The following CLVS1 variants were observed in gnomAD, a reference collection of about 807,000 sequenced individuals.
CLVS1 encodes the protein clavesin 1.
Under a neutral mutation model 33.1 loss-of-function variants are expected in CLVS1, and 10 were observed. The ratio of observed to expected loss-of-function variants is 0.30; its 90% CI spans 0.19 to 0.51. The LOEUF is 0.51. Among genes scored for constraint, CLVS1 ranks in the 20% least tolerant of loss-of-function variants. The pLI, the probability that CLVS1 is intolerant of heterozygous loss-of-function variation, is 0.97. For synonymous variants in CLVS1, 163 were observed against 166.1 expected (o/e 0.98, Z 0.14); for missense variants, 343 against 433.4 (o/e 0.79, Z 1.85).
chr8:61,117,848 C>G (rs1196607845), intron 1 of CLVS1, among the ~76,000 whole-genome samples: 1 of 149,058 alleles, frequency 6.7e-6, no homozygotes, highest in Non-Finnish European at 1.5e-5. Context: ...TTTGTTGTGT[C>G]TCTGCCTGGC....
At position 61,499,808 on chromosome 8, in the gene CLVS1, C is replaced by CAT. The variant is rs1252087777; in HGVS notation, c.*269_*270dup. On this transcript the variant is annotated 3_prime_UTR_variant, in exon 6 of 6. Transcript: ENST00000325897. ...ATGTAAAAAAGATTCTCCCTCCTTT[C>CAT]ATATTTATTGTAGTAAATTGAAAAA... 7.5e-6 allele frequency: 2 copies of CAT among 267,100 alleles called. No individual in the cohort carries two copies. The highest frequency in any genetic ancestry group is 1.4e-5 in the Non-Finnish European group (2 of 140,166). The allele number at this position is 267,100 out of a possible 1,614,324, so 16.5% of individuals were successfully genotyped here. A position where few individuals can be genotyped will look rare whatever the true frequency, so the allele number is the denominator to read the frequency against.
chr8:61,277,523 G>A (rs556845064), intron 2 of CLVS1, among the ~76,000 whole-genome samples: 23 of 152,230 alleles, frequency 1.5e-4, no homozygotes, highest in African/African-American at 5.3e-4. Flanking sequence ...TGAGTATAGG[G>A]GAGGCTCTGT....
At chr8:61,205,205 C>A (rs574522464) in intron 2 of CLVS1, among the ~76,000 whole-genome samples, 2 of 152,022 alleles carry the variant, frequency 1.3e-5, no homozygotes, top group African/African-American at 4.8e-5. Flanking sequence ...GCATTAAGTC[C>A]GTTCCCATTT....
In CLVS1 at chr8:61,170,062, C is replaced by CAT. The variant is rs142007689; in HGVS notation, c.-152+38214_-152+38215dup. ...GTACATTTGTAAATTTTGACATATA[C>CAT]ATATATATATATACACACATATACA... On this transcript the variant is annotated intron_variant, in intron 2 of 2. Coordinates refer to the CLVS1 transcript ENST00000522621. Among the ~76,000 whole-genome samples, 130 of 151,470 alleles carry CAT rather than the reference C, an allele frequency of 8.6e-4. 1 individual carries two copies. In the East Asian group the frequency reaches 9.9e-3, roughly 11 times the overall value.
chr8:61,055,494 T>C (rs1804460701), upstream of CLVS1, among the ~76,000 whole-genome samples: 1 of 152,270 alleles, frequency 6.6e-6, no homozygotes, highest in Non-Finnish European at 1.5e-5. Flanking sequence ...AGGAATATTC[T>C]ACTTCATGAA....
chr8:61,293,772 CA>C (rs1325740125), intron 1 of CLVS1, among the ~76,000 whole-genome samples: 1 of 152,010 alleles, frequency 6.6e-6, no homozygotes, highest in East Asian at 1.9e-4. Context: ...TCACACATAC[CA>C]ATGGATGAGT....
intron 3 of CLVS1, among the ~76,000 whole-genome samples, chr8:61,413,145 G>A (rs568962284): frequency 6.6e-6 from 1 of 152,228 alleles, no homozygotes; most frequent in African/African-American, 2.4e-5. Context: ...ATTTCACTTA[G>A]TACTGAGAGG....
At position 61,255,511 on chromosome 8, in the gene CLVS1, C is replaced by T. The variant is rs73684473; in HGVS notation, c.-151-44166C>T. On this transcript the variant is annotated intron_variant, in intron 2 of 2. Transcript: ENST00000522621. ...ATGTGTGTGTGGAGAGGTGAAGGAGCGAAAATAAACCAGTAAGCAAAGGTA... is the reference window on the plus strand; with the variant it reads ...ATGTGTGTGTGGAGAGGTGAAGGAGTGAAAATAAACCAGTAAGCAAAGGTA... Among the ~76,000 whole-genome samples the T allele has an allele frequency of 7.9e-3, 1,198 of 152,114 alleles. 16 individuals carry two copies. Among genetic ancestry groups the T allele is most frequent in the African/African-American group, 0.025 (1,054 of 41,486 alleles).
intron 1 of CLVS1, among the ~76,000 whole-genome samples, chr8:61,120,490 C>T (rs1488205905): frequency 8.6e-6 from 1 of 115,932 alleles, no homozygotes; most frequent in African/African-American, 3.9e-5. Flanking sequence ...TGTTTTTTCC[C>T]CATCTTTGTG....
At chr8:61,192,325 G>A (rs1240047237) in intron 2 of CLVS1, among the ~76,000 whole-genome samples, 3 of 152,166 alleles carry the variant, frequency 2.0e-5, no homozygotes, top group African/African-American at 7.2e-5. Context: ...CTAGACATAT[G>A]TAGAAAGCTG....
intron 3 of CLVS1, among the ~76,000 whole-genome samples, chr8:61,379,613 A>G (rs1813784346): frequency 6.6e-6 from 1 of 152,088 alleles, no homozygotes; most frequent in South Asian, 2.1e-4. Context: ...TTGATTAGTA[A>G]TTGCTACACG....
rs1809834021 is a variant in CLVS1 at position 61,288,097 on chromosome 8, C to A, written c.-193C>A. 2.2e-6 allele frequency: 1 copy of A among 456,268 alleles called. No homozygotes were observed. 28.3% of individuals were successfully genotyped at this position (456,268 alleles called of 1,614,324 possible). A position where few individuals can be genotyped will look rare whatever the true frequency, so the allele number is the denominator to read the frequency against. ...CCCAGTTCAGCAGCGAGGACACCTG[C>A]AGAAATACATTCCCAAAGCAAGGCT... On this transcript the variant is annotated 5_prime_UTR_variant, in exon 1 of 6. Coordinates refer to ENST00000325897, the MANE Select transcript of CLVS1 (RefSeq NM_173519.3).
At chr8:61,378,101 G>A (rs1374185959) in intron 3 of CLVS1, 3 of 152,192 alleles carry the variant, frequency 2.0e-5, no homozygotes, top group Non-Finnish European at 4.4e-5. Context: ...AAGTTTTAAA[G>A]TAAGCTTCAG....
At chr8:61,182,747 C>T (rs1216182672) in intron 2 of CLVS1, among the ~76,000 whole-genome samples, 4 of 152,152 alleles carry the variant, frequency 2.6e-5, no homozygotes, top group African/African-American at 7.2e-5. Flanking sequence ...GGCTATTCCT[C>T]AAGGATCTTG....
At chr8:61,238,537 G>A (rs73684471) in intron 2 of CLVS1, among the ~76,000 whole-genome samples, 10,061 of 152,190 alleles carry the variant, frequency 0.066, 596 homozygotes, top group African/African-American at 0.16. Context: ...TTCCCTTGGC[G>A]AATGGCTTCA....
At chr8:60,966,551 C>G in the CLVS1 span, 2 of 304,620 alleles carry the variant, frequency 6.6e-6, no homozygotes, top group Non-Finnish European at 1.3e-5. Context: ...TGCACAGATT[C>G]ATGTGGAAAT....
intron 3 of CLVS1, among the ~76,000 whole-genome samples, chr8:61,446,726 G>A (rs560162180): frequency 6.6e-6 from 1 of 151,982 alleles, no homozygotes; most frequent in Non-Finnish European, 1.5e-5. Flanking sequence ...ACATTAAGGA[G>A]TAAGTTTCAA....
intron 2 of CLVS1, among the ~76,000 whole-genome samples, chr8:61,276,849 A>G (rs1015634325): frequency 2.6e-5 from 4 of 152,210 alleles, no homozygotes; most frequent in Non-Finnish European, 5.9e-5. Context: ...AGGACAAGTT[A>G]TGTATGGGAT....
the CLVS1 span, among the ~76,000 whole-genome samples, chr8:61,031,640 G>T: frequency 2.0e-5 from 3 of 152,160 alleles, no homozygotes; most frequent in Non-Finnish European, 2.9e-5. Context: ...ACACAGAACT[G>T]CACGGCAGAG....
Sources: gnomAD v4.1 joint callset for allele counts (sites outside exome capture counted in the v4.1 genomes callset) on GRCh38, gnomAD v4.1.1 for gene constraint, MANE v1.5 for transcripts, NCBI Gene and HGNC (gene_info 2026-07-23, HGNC 2026-07-21) for gene names.